Variants in KIFAP3 observed in about 807,000 individuals in gnomAD.
KIFAP3 encodes the protein kinesin-associated protein 3.
In KIFAP3, 68 loss-of-function variants were observed where a neutral mutation model predicts 106.5. The observed-to-expected ratio is 0.64, with a 90% CI of 0.53 to 0.78. The LOEUF is 0.78. Ranked by LOEUF, KIFAP3 falls within the 30% of genes least tolerant of loss-of-function variation. The probability of loss-of-function intolerance (pLI) is 0.00; values close to 1 mark genes in which losing one functional copy is unlikely to be tolerated. For missense variants in KIFAP3, 780 were observed against 941.8 expected (o/e 0.83, Z 2.25); for synonymous variants, 320 against 311.5 (o/e 1.03, Z -0.29).
intron 9 of KIFAP3, 124 bp from the exon 10 acceptor site, chr1:170,016,748 A>C: frequency 3.6e-6 from 2 of 549,286 alleles, no homozygotes; most frequent in Non-Finnish European, 5.9e-6. Context: ...TGTTAATCTT[A>C]TACTCCATTT....
At chr1:170,076,395 TAGTC>T (rs1208375361), upstream of KIFAP3, among the ~76,000 whole-genome samples, 2 of 152,162 alleles carry the variant, frequency 1.3e-5, no homozygotes, top group Non-Finnish European at 2.9e-5. Context: ...AGTAAGGACA[TAGTC>T]AGAGACTAAG....
chr1:170,025,643 A>C (rs1669064964), intron 8 of KIFAP3, among the ~76,000 whole-genome samples: 1 of 152,140 alleles, frequency 6.6e-6, no homozygotes, highest in African/African-American at 2.4e-5. Flanking sequence ...GTATTATAAA[A>C]ATTTTACAGA....
At position 169,998,393 on chromosome 1, in the gene KIFAP3, TATATATACAC is replaced by T. The variant is rs57424361; in HGVS notation, c.1184-6148_1184-6139del. ...TAGTGCTTCACCAGATATATATATATATATATACACACACACACACACACACACACACACA... is the reference window on the plus strand; with the variant it reads ...TAGTGCTTCACCAGATATATATATATACACACACACACACACACACACACA... On this transcript the variant is annotated intron_variant, in intron 10 of 19. Transcript: ENST00000361580. Among the ~76,000 whole-genome samples, 536 of 108,828 alleles carry T rather than the reference TATATATACAC, an allele frequency of 4.9e-3. 5 individuals are homozygous for T. Among genetic ancestry groups the T allele is most frequent in the South Asian group, 0.02 (72 of 3,560 alleles). The allele number at this position is 108,828 out of a possible 152,430, so 71.4% of individuals were successfully genotyped here. A position where few individuals can be genotyped will look rare whatever the true frequency, so the allele number is the denominator to read the frequency against.
intron 19 of KIFAP3, among the ~76,000 whole-genome samples, chr1:169,952,423 CAT>C (rs112453192): frequency 0.11 from 16,371 of 151,780 alleles, 1,004 homozygotes; most frequent in Admixed American, 0.18. Context: ...TTGTTTTACA[CAT>C]ATATATAGGT....
At chr1:170,064,527 T>C (rs1038185918) in intron 1 of KIFAP3, among the ~76,000 whole-genome samples, 6 of 152,164 alleles carry the variant, frequency 3.9e-5, no homozygotes, top group Admixed American at 3.3e-4. Flanking sequence ...CTAAGTTTTG[T>C]ATTTTTTATA....
chr1:170,074,090 T>A (rs540017888), intron 1 of KIFAP3, among the ~76,000 whole-genome samples: 1 of 151,902 alleles, frequency 6.6e-6, no homozygotes, highest in South Asian at 2.1e-4. Context: ...ATGGGATTTA[T>A]CTATTATGGG....
At chr1:170,036,107 G>A (rs1669678205) in intron 5 of KIFAP3, among the ~76,000 whole-genome samples, 1 of 151,816 alleles carries the variant, frequency 6.6e-6, no homozygotes, top group Admixed American at 6.6e-5. Context: ...AAAACAAAAA[G>A]CTTTCACAAA....
chr1:170,068,980 T>TA (rs1491484855), intron 1 of KIFAP3: 1 of 152,050 alleles, frequency 6.6e-6, no homozygotes, highest in Non-Finnish European at 1.5e-5. Flanking sequence ...GGAAAACTTT[T>TA]AGTTAGACTG....
chr1:169,977,651 G>C (rs981385104), intron 16 of KIFAP3, among the ~76,000 whole-genome samples: 19 of 152,082 alleles, frequency 1.2e-4, no homozygotes, highest in Admixed American at 1.2e-3. Context: ...GAGGCAGTTA[G>C]CAACAAATGC....
intron 11 of KIFAP3, chr1:169,990,135 T>C (rs926125754): frequency 1.2e-4 from 187 of 1,500,946 alleles, no homozygotes; most frequent in Non-Finnish European, 1.4e-4. Flanking sequence ...AATCAGTGCA[T>C]ATTTACAAGA....
At chr1:169,935,222 G>GT (rs974546439) in intron 19 of KIFAP3, among the ~76,000 whole-genome samples, 2 of 151,856 alleles carry the variant, frequency 1.3e-5, no homozygotes, top group South Asian at 2.1e-4. Flanking sequence ...AGCTTTATAG[G>GT]TTTTTTTGTA....
chr1:170,009,836 A>T (rs1668155551), intron 10 of KIFAP3, among the ~76,000 whole-genome samples: 1 of 152,166 alleles, frequency 6.6e-6, no homozygotes, highest in Non-Finnish European at 1.5e-5. Context: ...ACAAGGAAAA[A>T]AATTTTTTTG....
chr1:170,074,390 A>G (rs373168060), intron 1 of KIFAP3, 46 bp downstream of exon 1: 4 of 1,606,856 alleles, frequency 2.5e-6, no homozygotes, highest in Non-Finnish European at 2.6e-6. Context: ...GAACATCTTC[A>G]GGGCCCTGGC....
At chr1:170,049,828 C>A (rs1376667076) in intron 2 of KIFAP3, among the ~76,000 whole-genome samples, 3 of 149,202 alleles carry the variant, frequency 2.0e-5, no homozygotes, top group Admixed American at 6.7e-5. Flanking sequence ...CCAAAAAAAA[C>A]CCATACAAGG....
chr1:170,041,546 G>C (rs1332196134), intron 3 of KIFAP3: 2 of 614,758 alleles, frequency 3.3e-6, no homozygotes, highest in Non-Finnish European at 5.7e-6. Context: ...GATACCCCTC[G>C]TAGGCATCTG....
intron 18 of KIFAP3, among the ~76,000 whole-genome samples, chr1:169,955,694 T>G (rs938487559): frequency 2.6e-5 from 4 of 152,182 alleles, no homozygotes; most frequent in South Asian, 4.1e-4. Flanking sequence ...AATGACATAT[T>G]ATTATTTAAT....
Position 169,983,397 on chromosome 1 carries a change from T to A in KIFAP3, c.1394-15A>T. On this transcript the variant is annotated splice_polypyrimidine_tract_variant and intron_variant, in intron 12 of 19. Transcript: ENST00000361580. Reference sequence around the variant, plus strand: ...CAGCCCATTTCCTGAAACAGAAAAGTCCCCCAATAAAATTAAGGTTAGCTT... The same window carrying A: ...CAGCCCATTTCCTGAAACAGAAAAGACCCCCAATAAAATTAAGGTTAGCTT... The A allele has an allele frequency of 1.3e-6, 2 of 1,542,988 alleles. No homozygotes were observed. The highest frequency in any genetic ancestry group is 2.3e-5 in the South Asian group (2 of 86,180).
chr1:170,004,223 A>T (rs945138595), intron 10 of KIFAP3, among the ~76,000 whole-genome samples: 2 of 151,882 alleles, frequency 1.3e-5, no homozygotes, highest in African/African-American at 4.8e-5. Flanking sequence ...AAACAAATGG[A>T]AGAACATTCC....
At chr1:170,053,385 G>C (rs568194191) in intron 2 of KIFAP3, among the ~76,000 whole-genome samples, 50 of 151,968 alleles carry the variant, frequency 3.3e-4, no homozygotes, top group African/African-American at 1.1e-3. Context: ...CTCATGGATA[G>C]GAAGAAAAAA....
Sources: allele counts gnomAD v4.1 joint callset (sites outside exome capture counted in the v4.1 genomes callset), GRCh38; gene constraint gnomAD v4.1.1; transcripts MANE v1.5; gene names NCBI Gene and HGNC (gene_info 2026-07-23, HGNC 2026-07-21).